The following CR1L variants were observed in gnomAD, a reference collection of about 807,000 sequenced individuals.
The protein encoded by CR1L is complement C3b/C4b receptor 1 like.
CR1L carries 59 observed loss-of-function variants against 62.3 expected under a neutral mutation model. That is an observed-to-expected ratio of 0.95 (90% CI 0.77 to 1.18). CR1L has a LOEUF of 1.18. CR1L is among the 50% of genes most tolerant of loss of function. The pLI, the probability that CR1L is intolerant of heterozygous loss-of-function variation, is 0.00. For synonymous variants in CR1L, 279 were observed against 248.7 expected (o/e 1.12, Z -1.15); for missense variants, 700 against 702.8 (o/e 1.00, Z 0.04).
Position 207,678,191 on chromosome 1 carries a change from C to T in CR1L, c.278-7C>T, listed in dbSNP as rs1571514781. ...CTTGGCTTCAAATTTCTGTTTCTTT[C>T]CTGTAGGTAAATCATGTCGTAATCC... is the stretch of plus-strand genomic sequence containing the variant. On this transcript the variant is annotated splice_polypyrimidine_tract_variant and splice_region_variant and intron_variant, in intron 2 of 11. Transcript: ENST00000508064. 1 of 1,613,036 alleles carries T rather than the reference C, an allele frequency of 6.2e-7. No individual in the cohort carries two copies.
chr1:207,697,801 T>C lies in CR1L; in HGVS notation c.1070T>C (p.Leu357Pro), dbSNP rs751600002. 5.0e-6 allele frequency: 8 copies of C among 1,613,924 alleles called. No individual in the cohort carries two copies. The highest frequency in any genetic ancestry group is 6.8e-6 in the Non-Finnish European group (8 of 1,179,898). ...VKSCDDFLGQ[L>P]PNGHVLFPLN... ...TCCTGTGATGACTTCCTGGGCCAAC[T>C]TCCTAATGGCCATGTGCTATTTCCA... The change falls in exon 7 of 12, where the codon CTT becomes CCT. Residue 357 changes from leucine (L) to proline (P), a missense_variant. By Grantham distance (98) the Leu-to-Pro change is moderately conservative. Transcript: ENST00000508064.
At chr1:207,704,901 C>T (rs1230185881) in intron 9 of CR1L, among the ~76,000 whole-genome samples, 2 of 152,140 alleles carry the variant, frequency 1.3e-5, no homozygotes, top group Non-Finnish European at 2.9e-5. Flanking sequence ...CCTGCAATAT[C>T]TTTGAGGAAT....
intron 1 of CR1L, among the ~76,000 whole-genome samples, chr1:207,655,764 T>C (rs970954457): frequency 5.3e-5 from 8 of 152,122 alleles, no homozygotes; most frequent in African/African-American, 1.9e-4. Context: ...ATAGATGCAA[T>C]ACAAATTAAC....
intron 10 of CR1L, chr1:207,715,165 T>C (rs1306440085): frequency 1.9e-6 from 1 of 514,836 alleles, no homozygotes; most frequent in Non-Finnish European, 3.7e-6. Context: ...CCTAATGAAC[T>C]AAGACTTTTA....
chr1:207,665,885 A>G (rs1005503070), intron 1 of CR1L, among the ~76,000 whole-genome samples: 1 of 152,208 alleles, frequency 6.6e-6, no homozygotes, highest in Non-Finnish European at 1.5e-5. Context: ...CAGATGAAGT[A>G]AGGCAGTATT....
intron 4 of CR1L, among the ~76,000 whole-genome samples, chr1:207,687,895 A>G (rs1022924235): frequency 6.6e-6 from 1 of 151,820 alleles, no homozygotes; most frequent in African/African-American, 2.4e-5. Flanking sequence ...CTTCTTAATG[A>G]TGTCTTCTGT....
At chr1:207,656,753 G>T (rs1663317978) in intron 1 of CR1L, among the ~76,000 whole-genome samples, 1 of 152,116 alleles carries the variant, frequency 6.6e-6, no homozygotes, top group Admixed American at 6.6e-5. Flanking sequence ...CACGAGAACA[G>T]CACCAAGGGG....
At chr1:207,711,743 C>T (rs1460803287) in intron 10 of CR1L, among the ~76,000 whole-genome samples, 3 of 152,004 alleles carry the variant, frequency 2.0e-5, no homozygotes, top group Non-Finnish European at 4.4e-5. Context: ...CCTGTCTTTA[C>T]TAAAAATACA....
intron 1 of CR1L, among the ~76,000 whole-genome samples, chr1:207,654,133 C>G (rs1349193272): frequency 6.6e-6 from 1 of 152,198 alleles, no homozygotes; most frequent in Non-Finnish European, 1.5e-5. Context: ...GCCCCATCAC[C>G]TCTCACTGCT....
chr1:207,693,264 T>C (rs1322699562), intron 4 of CR1L, among the ~76,000 whole-genome samples: 1 of 152,160 alleles, frequency 6.6e-6, no homozygotes, highest in East Asian at 1.9e-4. Context: ...ATTACAGGCC[T>C]GTGCCACTAT....
intron 10 of CR1L, chr1:207,715,477 C>T (rs1014912253): frequency 1.2e-5 from 10 of 866,712 alleles, no homozygotes; most frequent in Non-Finnish European, 1.6e-5. Flanking sequence ...AATCACTTGT[C>T]TGGATCTTTA....
In CR1L at chr1:207,673,849, A is replaced by G. The variant is rs557121692; in HGVS notation, c.98-3540A>G. 8.5e-5 allele frequency among the ~76,000 whole-genome samples: 13 copies of G among 152,360 alleles called. 1 individual carries two copies. In the South Asian group the frequency reaches 2.7e-3, roughly 32 times the overall value. ...AAGAGAAATGAAATCATATGTCCAC[A>G]AAAAGACTTGTACATGAATTTTCAT... On this transcript the variant is annotated intron_variant, in intron 1 of 11. Coordinates refer to ENST00000508064, the MANE Select transcript of CR1L (RefSeq NM_175710.2).
intron 1 of CR1L, chr1:207,658,963 A>G (rs1173673947): frequency 6.6e-6 from 1 of 152,360 alleles, no homozygotes; most frequent in Non-Finnish European, 1.5e-5. Flanking sequence ...AGATGTGGTC[A>G]GTTCTTACGA....
At chr1:207,669,640 G>A in intron 1 of CR1L, 1 of 876,802 alleles carries the variant, frequency 1.1e-6, no homozygotes, top group Non-Finnish European at 1.7e-6. Context: ...CTCGCGTGCC[G>A]CGCTGGGCTG....
chr1:207,713,633 G>A (rs1221427773), intron 10 of CR1L, among the ~76,000 whole-genome samples: 1 of 152,222 alleles, frequency 6.6e-6, no homozygotes. Flanking sequence ...GTGAGCAAGT[G>A]GGGGTTCCAG....
intron 1 of CR1L, among the ~76,000 whole-genome samples, chr1:207,645,871 T>A (rs1571637637): frequency 6.6e-6 from 1 of 151,962 alleles, no homozygotes; most frequent in Non-Finnish European, 1.5e-5. Flanking sequence ...CCTGGCCAGG[T>A]GTTGCTGGGA....
intron 10 of CR1L, among the ~76,000 whole-genome samples, chr1:207,715,910 G>T (rs1363075513): frequency 6.6e-6 from 1 of 152,036 alleles, no homozygotes; most frequent in Non-Finnish European, 1.5e-5. Flanking sequence ...GCCCAGGCTG[G>T]TCTCAAACTC....
intron 4 of CR1L, among the ~76,000 whole-genome samples, chr1:207,689,615 T>C (rs1474698408): frequency 6.6e-6 from 1 of 152,136 alleles, no homozygotes; most frequent in Non-Finnish European, 1.5e-5. Context: ...CAAGATTATG[T>C]TGGGCTAGTA....
At chr1:207,691,409 G>T (rs1238487284) in intron 4 of CR1L, among the ~76,000 whole-genome samples, 1 of 151,546 alleles carries the variant, frequency 6.6e-6, no homozygotes, top group African/African-American at 2.4e-5. Flanking sequence ...ACATCATATG[G>T]TAAAGTTTTG....
Sources: allele counts gnomAD v4.1 joint callset (sites outside exome capture counted in the v4.1 genomes callset), GRCh38; gene constraint gnomAD v4.1.1; transcripts MANE v1.5; gene names NCBI Gene and HGNC (gene_info 2026-07-23, HGNC 2026-07-21).